Variants in OR2L13 observed in about 807,000 individuals in gnomAD.
OR2L13 encodes olfactory receptor family 2 subfamily L member 13.
In OR2L13, 14 loss-of-function variants were observed where a neutral mutation model predicts 15.3. The observed-to-expected ratio is 0.91, with a 90% confidence interval of 0.60 to 1.43. The LOEUF (loss-of-function observed/expected upper bound fraction) is 1.43, where lower values mean the gene tolerates loss of function less well. Ranked by LOEUF, OR2L13 falls within the 40% of genes most tolerant of loss-of-function variation. OR2L13 has a pLI of 0.00. For missense variants in OR2L13, 367 were observed against 387.9 expected (o/e 0.95, Z 0.45); for synonymous variants, 152 against 142.9 (o/e 1.06, Z -0.45).
the OR2L13 span, among the ~76,000 whole-genome samples, chr1:248,025,353 C>T: frequency 6.8e-6 from 1 of 147,700 alleles, no homozygotes; most frequent in African/African-American, 2.6e-5. Context: ...AAAAAATGCT[C>T]ACCATCACTG....
the OR2L13 span, among the ~76,000 whole-genome samples, chr1:248,070,971 G>T: frequency 6.6e-6 from 1 of 152,198 alleles, no homozygotes; most frequent in African/African-American, 2.4e-5. Context: ...CTCTGAAATT[G>T]TGGCAATAAT....
chr1:248,062,297 A>G, the OR2L13 span: 2 of 152,216 alleles, frequency 1.3e-5, no homozygotes, highest in African/African-American at 2.4e-5. Flanking sequence ...AATAAAAATG[A>G]TTACATTTAG....
At chr1:247,993,800 A>AGAGAGAGG in the OR2L13 span, among the ~76,000 whole-genome samples, 2 of 137,072 alleles carry the variant, frequency 1.5e-5, no homozygotes, top group East Asian at 4.0e-4. Context: ...AGAGAGAGAG[A>AGAGAGAGG]GAGAGAGAGA....
the OR2L13 span, chr1:247,991,167 G>A: frequency 6.2e-7 from 1 of 1,605,426 alleles, no homozygotes; most frequent in Admixed American, 1.7e-5. Context: ...TGGGGGCCCT[G>A]ACACGAGTGA....
the OR2L13 span, among the ~76,000 whole-genome samples, chr1:248,060,240 T>A: frequency 2.0e-5 from 3 of 152,212 alleles, no homozygotes; most frequent in Admixed American, 2.0e-4. Context: ...AATAGAGATA[T>A]CTTTCTTATA....
the OR2L13 span, among the ~76,000 whole-genome samples, chr1:247,952,160 T>C: frequency 6.6e-6 from 1 of 152,172 alleles, no homozygotes; most frequent in Non-Finnish European, 1.5e-5. Context: ...GATATTTCAA[T>C]GACAACAGAA....
the OR2L13 span, among the ~76,000 whole-genome samples, chr1:247,943,155 T>C: frequency 3.3e-5 from 5 of 152,128 alleles, no homozygotes; most frequent in Non-Finnish European, 7.4e-5. Flanking sequence ...ATAATGTTGC[T>C]ATAAACATGG....
chr1:248,037,701 C>A, the OR2L13 span, among the ~76,000 whole-genome samples: 1 of 152,260 alleles, frequency 6.6e-6, no homozygotes, highest in African/African-American at 2.4e-5. Context: ...TTTTTAAAAA[C>A]AATTGGCTTA....
chr1:247,957,162 G>A, the OR2L13 span, among the ~76,000 whole-genome samples: 1 of 151,566 alleles, frequency 6.6e-6, no homozygotes, highest in Non-Finnish European at 1.5e-5. Context: ...GAACGTTGTT[G>A]AATTTTGTCG....
At chr1:248,097,098 G>T (rs1020551921), upstream of OR2L13, among the ~76,000 whole-genome samples, 1 of 152,186 alleles carries the variant, frequency 6.6e-6, no homozygotes, top group Non-Finnish European at 1.5e-5. Context: ...GAGACTTGCT[G>T]ATAAATAACT....
the OR2L13 span, among the ~76,000 whole-genome samples, chr1:248,020,402 A>G: frequency 6.6e-6 from 1 of 152,218 alleles, no homozygotes; most frequent in Non-Finnish European, 1.5e-5. Context: ...ATTAATTTAC[A>G]TAAATCAGCA....
At chr1:248,079,287 T>C in the OR2L13 span, among the ~76,000 whole-genome samples, 16,674 of 152,052 alleles carry the variant, frequency 0.11, 1,422 homozygotes, top group African/African-American at 0.24. Context: ...TGTCCTAAAA[T>C]TCAACACACA....
chr1:248,051,373 T>C, the OR2L13 span: 3 of 152,366 alleles, frequency 2.0e-5, no homozygotes, highest in Middle Eastern at 3.4e-3. Context: ...ATACATACTA[T>C]ATTTATATTG....
At chr1:248,092,787 A>G (rs964197602), upstream of OR2L13, among the ~76,000 whole-genome samples, 7 of 151,920 alleles carry the variant, frequency 4.6e-5, no homozygotes, top group Non-Finnish European at 1.0e-4. Flanking sequence ...ACCTACTGAA[A>G]CCCCTTGTCT....
the OR2L13 span, among the ~76,000 whole-genome samples, chr1:248,063,797 T>C: frequency 8.9e-5 from 13 of 146,132 alleles, no homozygotes; most frequent in South Asian, 2.1e-4. Context: ...TGTGTGCGTG[T>C]GTGTGTGTGT....
At chr1:247,970,374 C>G in the OR2L13 span, among the ~76,000 whole-genome samples, 1 of 152,102 alleles carries the variant, frequency 6.6e-6, no homozygotes, top group African/African-American at 2.4e-5. Flanking sequence ...AACATGGTCT[C>G]TGAGATCACC....
chr1:247,981,955 G>A, the OR2L13 span, among the ~76,000 whole-genome samples: 5,019 of 150,662 alleles, frequency 0.033, 288 homozygotes, highest in African/African-American at 0.12. Flanking sequence ...AGCTGGGACT[G>A]CAGGCTCCCG....
At chr1:248,046,152 A>T in the OR2L13 span, among the ~76,000 whole-genome samples, 2 of 152,206 alleles carry the variant, frequency 1.3e-5, no homozygotes, top group African/African-American at 2.4e-5. Flanking sequence ...TATTAATAAA[A>T]CAAGAGTAGT....
the OR2L13 span, among the ~76,000 whole-genome samples, chr1:247,998,834 G>A: frequency 1.3e-5 from 2 of 152,074 alleles, no homozygotes. Context: ...TTTTCTTTTG[G>A]TACATATGGT....
Sources: allele counts gnomAD v4.1 joint callset (sites outside exome capture counted in the v4.1 genomes callset), GRCh38; gene constraint gnomAD v4.1.1; transcripts MANE v1.5; gene names NCBI Gene and HGNC (gene_info 2026-07-23, HGNC 2026-07-21).